Variants in MEIKIN observed in about 807,000 individuals in gnomAD.
The protein encoded by MEIKIN is meiotic kinetochore factor.
At chr5:131,929,078 T>C (rs1221593714) in intron 5 of MEIKIN, among the ~76,000 whole-genome samples, 1 of 152,206 alleles carries the variant, frequency 6.6e-6, no homozygotes, top group African/African-American at 2.4e-5. Flanking sequence ...GGGTGTACTG[T>C]TGTTGGTTGA....
At chr5:131,836,627 C>T (rs1049748634) in intron 11 of MEIKIN, among the ~76,000 whole-genome samples, 8 of 151,974 alleles carry the variant, frequency 5.3e-5, no homozygotes, top group Admixed American at 2.6e-4. Flanking sequence ...GTGGTTTTGA[C>T]TAGCATTTCT....
chr5:131,913,156 C>T (rs919581772), intron 7 of MEIKIN, among the ~76,000 whole-genome samples: 12 of 152,204 alleles, frequency 7.9e-5, no homozygotes, highest in African/African-American at 2.9e-4. Flanking sequence ...GGAGCTCTCT[C>T]ACTTGCTGCT....
chr5:131,918,120 T>C (rs550119914), intron 6 of MEIKIN, among the ~76,000 whole-genome samples: 53 of 152,290 alleles, frequency 3.5e-4, no homozygotes, highest in Admixed American at 7.2e-4. Flanking sequence ...TATTTGAGGC[T>C]GTGATTATGT....
intron 4 of MEIKIN, among the ~76,000 whole-genome samples, chr5:131,935,034 C>G (rs746906468): frequency 2.0e-5 from 3 of 150,096 alleles, no homozygotes; most frequent in Non-Finnish European, 4.4e-5. Flanking sequence ...GAACTCCAGC[C>G]TGGTGACAGA....
At chr5:131,943,790 A>C (rs1751914957) in intron 3 of MEIKIN, among the ~76,000 whole-genome samples, 1 of 152,126 alleles carries the variant, frequency 6.6e-6, no homozygotes, top group Non-Finnish European at 1.5e-5. Flanking sequence ...GCCTTCCCCC[A>C]AAAACATGTT....
At chr5:131,843,289 A>T (rs1264271108) in intron 11 of MEIKIN, among the ~76,000 whole-genome samples, 1 of 152,220 alleles carries the variant, frequency 6.6e-6, no homozygotes, top group Non-Finnish European at 1.5e-5. Context: ...TTGGATATTA[A>T]CACAGCTCCT....
intron 10 of MEIKIN, among the ~76,000 whole-genome samples, chr5:131,852,913 A>G (rs1750138818): frequency 6.6e-6 from 1 of 152,124 alleles, no homozygotes; most frequent in Non-Finnish European, 1.5e-5. Context: ...TCATCAATAC[A>G]TTTTAACTCC....
intron 9 of MEIKIN, among the ~76,000 whole-genome samples, chr5:131,871,081 A>C (rs1041934240): frequency 2.0e-5 from 3 of 152,214 alleles, no homozygotes; most frequent in Non-Finnish European, 4.4e-5. Context: ...AGCGACGCAG[A>C]AGACGGGTGA....
intron 4 of MEIKIN, among the ~76,000 whole-genome samples, chr5:131,938,703 G>A (rs796188677): frequency 3.3e-5 from 5 of 152,120 alleles, no homozygotes; most frequent in African/African-American, 1.2e-4. Context: ...CTTGTTTCAT[G>A]GACATAACAT....
intron 8 of MEIKIN, among the ~76,000 whole-genome samples, chr5:131,890,903 T>G (rs1475180327): frequency 1.3e-5 from 2 of 152,146 alleles, no homozygotes; most frequent in African/African-American, 4.8e-5. Context: ...TCCCAGAGAG[T>G]CTGGTATTTT....
At chr5:131,875,666 A>T (rs1750598994) in intron 9 of MEIKIN, among the ~76,000 whole-genome samples, 1 of 152,200 alleles carries the variant, frequency 6.6e-6, no homozygotes, top group African/African-American at 2.4e-5. Context: ...TACGGAACCA[A>T]AAAAGAGCCC....
At chr5:131,833,094 C>T (rs1435395778) in intron 11 of MEIKIN, among the ~76,000 whole-genome samples, 1 of 152,212 alleles carries the variant, frequency 6.6e-6, no homozygotes, top group Non-Finnish European at 1.5e-5. Flanking sequence ...AACTGTAAGG[C>T]TGCAAAATTT....
chr5:131,871,068 A>C (rs1267243466), intron 9 of MEIKIN, among the ~76,000 whole-genome samples: 1 of 152,228 alleles, frequency 6.6e-6, no homozygotes, highest in Non-Finnish European at 1.5e-5. Context: ...AGCTCCCAGC[A>C]TGAGCGACGC....
intron 9 of MEIKIN, 56 bp downstream of exon 9, chr5:131,878,922 T>C (rs533690183): frequency 2.8e-5 from 11 of 397,638 alleles, no homozygotes; most frequent in East Asian, 7.2e-5. Context: ...TAAAAGTATA[T>C]TCTTTATTAA....
At chr5:131,895,028 C>A (rs1439594665) in intron 8 of MEIKIN, among the ~76,000 whole-genome samples, 5 of 152,112 alleles carry the variant, frequency 3.3e-5, no homozygotes, top group Non-Finnish European at 7.4e-5. Context: ...ATGATATTGG[C>A]TGTAGGTTTG....
In MEIKIN at chr5:131,887,813, T is replaced by C. The variant is rs539539199; in HGVS notation, c.704-8765A>G. 2.0e-5 allele frequency among the ~76,000 whole-genome samples: 3 copies of C among 151,442 alleles called. No homozygotes were observed. The East Asian group carries it at 5.8e-4, about 29-fold the overall frequency. ...ATGTTGGTGTGCTGCACCCATTAACTTGTCATTTAGCATTAGGTATATCTC... is the reference window on the plus strand; with the variant it reads ...ATGTTGGTGTGCTGCACCCATTAACCTGTCATTTAGCATTAGGTATATCTC... On this transcript the variant is annotated intron_variant, in intron 8 of 12. Coordinates refer to ENST00000442687, the MANE Select transcript of MEIKIN (RefSeq NM_001303622.2).
intron 9 of MEIKIN, among the ~76,000 whole-genome samples, chr5:131,870,339 T>C (rs1297896311): frequency 6.6e-6 from 1 of 152,136 alleles, no homozygotes; most frequent in Non-Finnish European, 1.5e-5. Flanking sequence ...TGAAATGATT[T>C]CCTCTCTTGA....
rs185458715 is a variant in MEIKIN, at chr5:131,848,218, G to A, written c.975+3046C>T. ...AAAATAGAGAATAGAAAATCATAAG[G>A]AAAATCAATCAAACCAAAATTGGTT... On this transcript the variant is annotated intron_variant, in intron 11 of 12. Coordinates refer to ENST00000442687, the MANE Select transcript of MEIKIN (RefSeq NM_001303622.2). Among the ~76,000 whole-genome samples, 671 of 151,980 alleles carry A rather than the reference G, an allele frequency of 4.4e-3. 12 individuals carry two copies. Among genetic ancestry groups the A allele is most frequent in the African/African-American group, 0.016 (652 of 41,490 alleles).
chr5:131,863,794 C>T (rs1025603760), intron 9 of MEIKIN, among the ~76,000 whole-genome samples: 30 of 151,906 alleles, frequency 2.0e-4, no homozygotes, highest in Non-Finnish European at 4.4e-5. Context: ...TTCCCCATGC[C>T]GTTCTTGTGA....
Sources: gnomAD v4.1 joint callset for allele counts (sites outside exome capture counted in the v4.1 genomes callset) on GRCh38, gnomAD v4.1.1 for gene constraint, MANE v1.5 for transcripts, NCBI Gene and HGNC (gene_info 2026-07-23, HGNC 2026-07-21) for gene names.